Variants in RAPGEF6 observed in about 807,000 individuals in gnomAD.
RAPGEF6 encodes PDZ domain containing guanine nucleotide exchange factor (GEF) 2.
In RAPGEF6, 56 loss-of-function variants were observed where a neutral mutation model predicts 171.4. That is an observed-to-expected ratio of 0.33 (90% CI 0.26 to 0.41). The LOEUF (loss-of-function observed/expected upper bound fraction) is 0.41, where lower values mean the gene tolerates loss of function less well. RAPGEF6 is among the 10% of genes least tolerant of loss of function. The probability of loss-of-function intolerance (pLI) is 1.00; values close to 1 mark genes in which losing one functional copy is unlikely to be tolerated. For synonymous variants in RAPGEF6, 692 were observed against 650.1 expected (o/e 1.06, Z -0.98); for missense variants, 1,674 against 1,921.4 (o/e 0.87, Z 2.41).
chr5:131,505,359 C>G lies in RAPGEF6; in HGVS notation c.1101+5G>C, dbSNP rs1481782181. 6.2e-7 allele frequency: 1 copy of G among 1,613,168 alleles called. No homozygotes were observed. The highest frequency in any genetic ancestry group is 8.5e-7 in the Non-Finnish European group (1 of 1,179,492). On this transcript the variant is annotated splice_donor_5th_base_variant and intron_variant, in intron 10 of 27. Coordinates refer to ENST00000509018, the MANE Select transcript of RAPGEF6 (RefSeq NM_016340.6). ...AAGAAGACTTGACCAAAGAGATAAT[C>G]TTACCTGACAATCATCTACTTTAGT...
chr5:131,487,173 C>T (rs796853384), intron 15 of RAPGEF6, among the ~76,000 whole-genome samples: 5 of 152,250 alleles, frequency 3.3e-5, no homozygotes, highest in South Asian at 2.1e-4. Context: ...TTCTTCCTTC[C>T]GGTGGGTTCA....
intron 4 of RAPGEF6, among the ~76,000 whole-genome samples, chr5:131,563,855 T>A (rs1761760459): frequency 6.6e-6 from 1 of 152,180 alleles, no homozygotes; most frequent in Non-Finnish European, 1.5e-5. Flanking sequence ...TTCCCCCAAA[T>A]TCTTGTATCA....
At chr5:131,592,269 G>T in intron 4 of RAPGEF6, 114 bp downstream of exon 4, 1 of 1,459,780 alleles carries the variant, frequency 6.9e-7, no homozygotes, top group Non-Finnish European at 9.1e-7. Context: ...ATTTCCAATG[G>T]TGCCAACAAG....
chr5:131,446,494 G>A lies in RAPGEF6; in HGVS notation c.3410C>T (p.Ala1137Val). 8 of 1,613,736 alleles carry A rather than the reference G, an allele frequency of 5.0e-6. No individual in the cohort carries two copies. Among genetic ancestry groups the A allele is most frequent in the Non-Finnish European group, 6.8e-6 (8 of 1,179,736 alleles). ...AAACTTGTACTCACAGGTACCATAT[G>A]CAGGCTCCCACTGTAATGACATCAT... is the stretch of plus-strand genomic sequence containing the variant. ...FQMMSLQWEPAYGTLTKNLSE... is the reference protein window; with the variant it reads ...FQMMSLQWEPVYGTLTKNLSE... The change falls in exon 22 of 28, where the codon GCA becomes GTA. Residue 1137 changes from alanine to valine, a missense_variant. Transcript: ENST00000509018.
intron 1 of RAPGEF6, among the ~76,000 whole-genome samples, chr5:131,625,668 T>C (rs1304256534): frequency 6.6e-6 from 1 of 151,826 alleles, no homozygotes; most frequent in Non-Finnish European, 1.5e-5. Flanking sequence ...ACAAAAAAAT[T>C]AGCCAGGCAT....
At position 131,432,182 on chromosome 5, in the gene RAPGEF6, A is replaced by G. The variant is rs566643672; in HGVS notation, c.3975-833T>C. Reference sequence around the variant, plus strand: ...ACCAGAAGAATTTGTGACAGAGACTATATGTAGATTGCAGAGGCGAAAATA... The same window carrying G: ...ACCAGAAGAATTTGTGACAGAGACTGTATGTAGATTGCAGAGGCGAAAATA... On this transcript the variant is annotated intron_variant, in intron 25 of 27. Transcript: ENST00000509018. Among the ~76,000 whole-genome samples the G allele has an allele frequency of 1.1e-4, 16 of 152,314 alleles. No individual in the cohort carries two copies. The South Asian group carries it at 2.5e-3, about 24-fold the overall frequency.
intron 7 of RAPGEF6, among the ~76,000 whole-genome samples, chr5:131,510,945 T>C (rs895796026): frequency 2.0e-5 from 3 of 152,144 alleles, no homozygotes; most frequent in African/African-American, 7.2e-5. Flanking sequence ...GTAGGGTAGG[T>C]AATCATATAA....
intron 6 of RAPGEF6, among the ~76,000 whole-genome samples, chr5:131,522,219 C>T (rs2149910466): frequency 6.6e-6 from 1 of 152,242 alleles, no homozygotes; most frequent in Admixed American, 6.5e-5. Context: ...TGGTCGCATT[C>T]TTACCAGGTA....
chr5:131,613,464 T>C (rs895669041), intron 1 of RAPGEF6, among the ~76,000 whole-genome samples: 36 of 152,214 alleles, frequency 2.4e-4, no homozygotes, highest in African/African-American at 5.8e-4. Context: ...TATATATGTA[T>C]GTATGTCAGC....
At position 131,508,327 on chromosome 5, in the gene RAPGEF6, T is replaced by C. The variant is rs71591976; in HGVS notation, c.806-120A>G. 5,522 of 1,017,174 alleles carry C rather than the reference T, an allele frequency of 5.4e-3. 21 individuals carry two copies. The highest frequency in any genetic ancestry group is 6.8e-3 in the Non-Finnish European group (4,802 of 709,418). 63.0% of individuals were successfully genotyped at this position (1,017,174 alleles called of 1,614,324 possible). ...AACTTATAAATTTATGTTGCTAAAG[T>C]AGAGAAACTAAGGTACTATTTGACC... On this transcript the variant is annotated intron_variant, in intron 8 of 27. Coordinates refer to ENST00000509018, the MANE Select transcript of RAPGEF6 (RefSeq NM_016340.6).
chr5:131,467,882 T>C (rs1387058703), intron 17 of RAPGEF6, among the ~76,000 whole-genome samples: 1 of 151,914 alleles, frequency 6.6e-6, no homozygotes, highest in Admixed American at 6.6e-5. Context: ...ATTACAAATA[T>C]TATCTGGGCG....
chr5:131,465,678 G>C (rs1313622553), intron 17 of RAPGEF6, among the ~76,000 whole-genome samples: 2 of 152,066 alleles, frequency 1.3e-5, no homozygotes, highest in African/African-American at 2.4e-5. Flanking sequence ...AGCTACTCGG[G>C]AGGTGGAAGT....
intron 4 of RAPGEF6, among the ~76,000 whole-genome samples, chr5:131,570,950 T>C (rs1397946592): frequency 6.7e-6 from 1 of 150,216 alleles, no homozygotes; most frequent in African/African-American, 2.5e-5. Flanking sequence ...TACTTTTTTT[T>C]TTTTTTTTTT....
At chr5:131,451,279 A>T (rs1753047692) in intron 21 of RAPGEF6, among the ~76,000 whole-genome samples, 1 of 152,082 alleles carries the variant, frequency 6.6e-6, no homozygotes, top group Non-Finnish European at 1.5e-5. Flanking sequence ...CAGATCAACT[A>T]CTTGCAAAAA....
intron 4 of RAPGEF6, among the ~76,000 whole-genome samples, chr5:131,579,700 A>G (rs1256876042): frequency 1.3e-5 from 2 of 151,956 alleles, no homozygotes; most frequent in Non-Finnish European, 2.9e-5. Flanking sequence ...AAGTTCTCCA[A>G]GTCCCCACTA....
chr5:131,591,150 T>C (rs919914198), intron 4 of RAPGEF6, among the ~76,000 whole-genome samples: 1 of 152,192 alleles, frequency 6.6e-6, no homozygotes, highest in African/African-American at 2.4e-5. Context: ...ATGTCCCATA[T>C]CCTGATATTT....
chr5:131,446,773 A>G, intron 21 of RAPGEF6, 70 bp from the exon 22 acceptor site: 1 of 1,395,348 alleles, frequency 7.2e-7, no homozygotes, highest in Non-Finnish European at 9.8e-7. Context: ...TTGAAGATTA[A>G]AAGATTTTGT....
chr5:131,561,660 C>CAAAAA (rs35691525), intron 5 of RAPGEF6, among the ~76,000 whole-genome samples: 2 of 90,888 alleles, frequency 2.2e-5, no homozygotes, highest in African/African-American at 8.5e-5. Context: ...AACTCTGTCT[C>CAAAAA]AAAAAAAAAA....
intron 5 of RAPGEF6, among the ~76,000 whole-genome samples, chr5:131,558,898 T>C (rs747993975): frequency 6.6e-6 from 1 of 152,218 alleles, no homozygotes; most frequent in Non-Finnish European, 1.5e-5. Context: ...ACTTGAAAAG[T>C]AGGCGTACTC....
Sources: gnomAD v4.1 joint callset for allele counts (sites outside exome capture counted in the v4.1 genomes callset) on GRCh38, gnomAD v4.1.1 for gene constraint, MANE v1.5 for transcripts, NCBI Gene and HGNC (gene_info 2026-07-23, HGNC 2026-07-21) for gene names.